Variants in PDE10A observed in about 807,000 individuals in gnomAD.
The protein encoded by PDE10A is cAMP and cAMP-inhibited cGMP 3',5'-cyclic phosphodiesterase 10A.
PDE10A carries 39 observed loss-of-function variants against 97.7 expected under a neutral mutation model. That is an observed-to-expected ratio of 0.40 (90% CI 0.31 to 0.52). PDE10A has a LOEUF of 0.52. Among genes scored for constraint, PDE10A ranks in the 20% least tolerant of loss-of-function variants. The pLI, the probability that PDE10A is intolerant of heterozygous loss-of-function variation, is 0.56. For missense variants in PDE10A, 731 were observed against 1,047.8 expected (o/e 0.70, Z 4.17); for synonymous variants, 371 against 376.8 (o/e 0.98, Z 0.18).
At position 165,545,016 on chromosome 6, in the gene PDE10A, C is replaced by T. The variant is rs142324618; in HGVS notation, c.866-1448G>A. Among the ~76,000 whole-genome samples the T allele has an allele frequency of 1.6e-3, 239 of 152,074 alleles. 1 individual carries two copies. Among genetic ancestry groups the T allele is most frequent in the African/African-American group, 5.4e-3 (224 of 41,518 alleles). On this transcript the variant is annotated intron_variant, in intron 1 of 21. Coordinates refer to ENST00000539869, the MANE Select transcript of PDE10A (RefSeq NM_001385079.1). ...CTCTCCTGGCACAGCAAATTATAGT[C>T]CCTAAAAACAAAAGGTGCAGGATAC...
At chr6:165,443,794 G>C (rs1790647666) in intron 5 of PDE10A, among the ~76,000 whole-genome samples, 1 of 152,210 alleles carries the variant, frequency 6.6e-6, no homozygotes, top group African/African-American at 2.4e-5. Context: ...TGGGACACAG[G>C]ACACCATGTT....
chr6:165,527,658 T>C (rs961039267), intron 2 of PDE10A, among the ~76,000 whole-genome samples: 42 of 152,136 alleles, frequency 2.8e-4, no homozygotes, highest in African/African-American at 8.7e-4. Context: ...CATCTAGCCA[T>C]AAAGTGGGTC....
At chr6:165,939,119 T>A (rs923898876) in intron 1 of PDE10A, among the ~76,000 whole-genome samples, 1 of 152,234 alleles carries the variant, frequency 6.6e-6, no homozygotes, top group Non-Finnish European at 1.5e-5. Context: ...TGCTATTGAT[T>A]AAGCCAAGAT....
At chr6:165,915,960 A>G (rs928503420) in intron 1 of PDE10A, among the ~76,000 whole-genome samples, 1 of 152,228 alleles carries the variant, frequency 6.6e-6, no homozygotes, top group African/African-American at 2.4e-5. Context: ...TCCACCAGAA[A>G]AGGAACTTTG....
chr6:165,775,610 T>A (rs755639666), intron 1 of PDE10A: 1 of 152,212 alleles, frequency 6.6e-6, no homozygotes, highest in Non-Finnish European at 1.5e-5. Flanking sequence ...CCGCTTACAT[T>A]TTCCTAGTGG....
intron 1 of PDE10A, among the ~76,000 whole-genome samples, chr6:165,888,719 C>T (rs1781698373): frequency 6.6e-6 from 1 of 152,178 alleles, no homozygotes; most frequent in Non-Finnish European, 1.5e-5. Flanking sequence ...TCCAAAAATG[C>T]ATGAGCCTAA....
chr6:165,906,891 G>C (rs1367772618), intron 1 of PDE10A, among the ~76,000 whole-genome samples: 3 of 152,218 alleles, frequency 2.0e-5, no homozygotes, highest in African/African-American at 4.8e-5. Context: ...CGGTAGATCG[G>C]AGTCCAGGTA....
chr6:165,848,024 G>A (rs574819840), intron 1 of PDE10A, among the ~76,000 whole-genome samples: 2 of 152,202 alleles, frequency 1.3e-5, no homozygotes, highest in South Asian at 4.1e-4. Flanking sequence ...TTTATCCCAT[G>A]GCCTGCCATA....
chr6:165,446,181 T>C (rs1311907663), intron 5 of PDE10A, among the ~76,000 whole-genome samples: 1 of 152,214 alleles, frequency 6.6e-6, no homozygotes, highest in African/African-American at 2.4e-5. Context: ...GAACTCTTTA[T>C]CTACCAAAGA....
At position 165,882,554 on chromosome 6, in the gene PDE10A, A is replaced by C. The variant is rs146175351; in HGVS notation, c.-615+104975T>G. Among the ~76,000 whole-genome samples the C allele has an allele frequency of 3.8e-3, 577 of 152,306 alleles. 3 individuals carry two copies. The highest frequency in any genetic ancestry group is 0.013 in the African/African-American group (561 of 41,582). ...TAAGTTTCCACCTGCATTTTTATTT[A>C]GGTTCAGCATGGCCATGAGTTGTAG... On this transcript the variant is annotated intron_variant, in intron 1 of 19. Transcript: ENST00000366882.
At chr6:165,487,078 G>A (rs149376823) in intron 2 of PDE10A, among the ~76,000 whole-genome samples, 8 of 152,308 alleles carry the variant, frequency 5.3e-5, no homozygotes, top group African/African-American at 1.4e-4. Context: ...GAATAAGCCC[G>A]GTAAACTGAC....
chr6:165,501,309 C>T (rs1447762891), intron 2 of PDE10A, among the ~76,000 whole-genome samples: 1 of 152,172 alleles, frequency 6.6e-6, no homozygotes, highest in East Asian at 1.9e-4. Context: ...CGCCTGTAAT[C>T]CCAGCACTTT....
At chr6:165,965,238 C>A (rs1057274084) in intron 1 of PDE10A, among the ~76,000 whole-genome samples, 2 of 152,112 alleles carry the variant, frequency 1.3e-5, no homozygotes, top group African/African-American at 4.8e-5. Flanking sequence ...AGAGGGATGG[C>A]GAGGAGGTGG....
intron 1 of PDE10A, among the ~76,000 whole-genome samples, chr6:165,953,906 T>C (rs2128495880): frequency 6.6e-6 from 1 of 152,324 alleles, no homozygotes; most frequent in Non-Finnish European, 1.5e-5. Flanking sequence ...TTCCCCTGTG[T>C]CCCACCTCTT....
intron 1 of PDE10A, among the ~76,000 whole-genome samples, chr6:165,984,256 A>G (rs2128504662): frequency 6.6e-6 from 1 of 152,366 alleles, no homozygotes; most frequent in African/African-American, 2.4e-5. Flanking sequence ...CTGACTTGCA[A>G]AATATCCTCT....
rs559346804 is a variant in PDE10A at position 165,970,417 on chromosome 6, A to C, written c.-615+17112T>G. ...GAATGTCTTGGTGTGTAGAAAATGC[A>C]CACTAAATTATTTGGGGTAATGGTT... On this transcript the variant is annotated intron_variant, in intron 1 of 19. Transcript: ENST00000366882. Among the ~76,000 whole-genome samples, 5 of 152,336 alleles carry C rather than the reference A, an allele frequency of 3.3e-5. No individual in the cohort carries two copies. In the South Asian group the frequency reaches 1.0e-3, roughly 32 times the overall value.
At chr6:165,984,388 G>T (rs189894858) in intron 1 of PDE10A, among the ~76,000 whole-genome samples, 191 of 152,206 alleles carry the variant, frequency 1.3e-3, no homozygotes, top group African/African-American at 4.4e-3. Context: ...AAAAATGTTT[G>T]CTGAAATACA....
chr6:165,481,150 T>TTG (rs1270929809), intron 3 of PDE10A, among the ~76,000 whole-genome samples: 1 of 152,208 alleles, frequency 6.6e-6, no homozygotes, highest in Non-Finnish European at 1.5e-5. Context: ...AAAGTTCACT[T>TTG]TTCAGAGTCC....
intron 1 of PDE10A, among the ~76,000 whole-genome samples, chr6:165,569,546 GTATAA>G (rs1469887300): frequency 1.3e-5 from 2 of 152,140 alleles, no homozygotes; most frequent in Non-Finnish European, 2.9e-5. Flanking sequence ...CAAATTTGTA[GTATAA>G]TATAACTATC....
Sources: allele counts gnomAD v4.1 joint callset (sites outside exome capture counted in the v4.1 genomes callset), GRCh38; gene constraint gnomAD v4.1.1; transcripts MANE v1.5; gene names NCBI Gene and HGNC (gene_info 2026-07-23, HGNC 2026-07-21).